Variants in ROBO2 observed in about 807,000 individuals in gnomAD.
ROBO2 encodes the protein roundabout guidance receptor 2.
In ROBO2, 53 loss-of-function variants were observed where a neutral mutation model predicts 160.8. That is an observed-to-expected ratio of 0.33 (90% CI 0.26 to 0.41). The LOEUF is 0.41. Among genes scored for constraint, ROBO2 ranks in the 10% least tolerant of loss-of-function variants. The pLI, the probability that ROBO2 is intolerant of heterozygous loss-of-function variation, is 1.00. For synonymous variants in ROBO2, 664 were observed against 611.7 expected, an observed-to-expected ratio of 1.09 and a Z score of -1.26; for missense variants, 1,577 against 1,722.4, an observed-to-expected ratio of 0.92 and a Z score of 1.49.
At chr3:75,982,074 C>T (rs1350352346) in intron 2 of ROBO2, among the ~76,000 whole-genome samples, 1 of 151,502 alleles carries the variant, frequency 6.6e-6, no homozygotes, top group Non-Finnish European at 1.5e-5. Flanking sequence ...ATCTCCAGTT[C>T]CATCCATATT....
At chr3:77,199,486 C>A (rs1200061491) in intron 2 of ROBO2, among the ~76,000 whole-genome samples, 1 of 152,106 alleles carries the variant, frequency 6.6e-6, no homozygotes, top group Non-Finnish European at 1.5e-5. Flanking sequence ...GCAAGTTCAG[C>A]TGTTTTTATT....
intron 21 of ROBO2, among the ~76,000 whole-genome samples, chr3:77,611,839 T>A (rs2094649423): frequency 6.6e-6 from 1 of 152,186 alleles, no homozygotes; most frequent in Admixed American, 6.5e-5. Flanking sequence ...GACAAAAATA[T>A]GTCAAAATGT....
intron 1 of ROBO2, among the ~76,000 whole-genome samples, chr3:77,086,389 A>G (rs2069313530): frequency 6.6e-6 from 1 of 152,150 alleles, no homozygotes; most frequent in Non-Finnish European, 1.5e-5. Flanking sequence ...CAGAGAAGGT[A>G]AGAAATTTGC....
At position 76,398,778 on chromosome 3, in the gene ROBO2, A is replaced by G. The variant is rs188729761; in HGVS notation, c.109+461176A>G. Among the ~76,000 whole-genome samples, 121 of 151,992 alleles carry G rather than the reference A, an allele frequency of 8.0e-4. No individual in the cohort carries two copies. The East Asian group carries it at 0.021, about 27-fold the overall frequency. ...GTTTAGTATATTCTATTAGTTTAGC[A>G]TATGCTATTAGTTTAGTATATTCTA... On this transcript the variant is annotated intron_variant, in intron 2 of 26. Coordinates refer to the ROBO2 transcript ENST00000487694.
At chr3:77,299,758 C>T (rs1384398574) in intron 2 of ROBO2, among the ~76,000 whole-genome samples, 1 of 151,966 alleles carries the variant, frequency 6.6e-6, no homozygotes, top group East Asian at 1.9e-4. Flanking sequence ...TCAGGTCAGA[C>T]TAATTGAAAA....
intron 2 of ROBO2, among the ~76,000 whole-genome samples, chr3:76,878,727 A>G (rs1297225630): frequency 6.6e-6 from 1 of 152,168 alleles, no homozygotes; most frequent in Non-Finnish European, 1.5e-5. Flanking sequence ...TTAGCACACC[A>G]ATGGTGTTTA....
At chr3:77,059,112 A>G (rs1195813888) in intron 1 of ROBO2, among the ~76,000 whole-genome samples, 3 of 152,130 alleles carry the variant, frequency 2.0e-5, no homozygotes, top group Non-Finnish European at 2.9e-5. Flanking sequence ...AAATCTATGA[A>G]ATTTAGATTT....
intron 2 of ROBO2, among the ~76,000 whole-genome samples, chr3:76,248,003 G>A (rs1705728235): frequency 6.6e-6 from 1 of 151,858 alleles, no homozygotes. Flanking sequence ...AGGTGCTGGA[G>A]AGGATGTGGA....
intron 2 of ROBO2, among the ~76,000 whole-genome samples, chr3:76,382,528 A>G (rs1311544098): frequency 3.3e-5 from 5 of 152,216 alleles, no homozygotes; most frequent in African/African-American, 1.2e-4. Context: ...CGGAGCTTGC[A>G]GTGAGCCGAG....
intron 2 of ROBO2, among the ~76,000 whole-genome samples, chr3:76,415,747 C>T: frequency 6.6e-6 from 1 of 152,088 alleles, no homozygotes; most frequent in Non-Finnish European, 1.5e-5. Context: ...GATGATCAAC[C>T]TGTCATCTTT....
intron 2 of ROBO2, among the ~76,000 whole-genome samples, chr3:76,214,543 G>A (rs1279224616): frequency 3.9e-5 from 6 of 152,180 alleles, no homozygotes; most frequent in African/African-American, 9.6e-5. Flanking sequence ...AGGGTCCTAA[G>A]CCCATGGAGC....
At chr3:76,486,736 T>C (rs2079519336) in intron 2 of ROBO2, among the ~76,000 whole-genome samples, 1 of 152,194 alleles carries the variant, frequency 6.6e-6, no homozygotes, top group South Asian at 2.1e-4. Context: ...CTCAAAATGA[T>C]AGCTAATACT....
intron 2 of ROBO2, among the ~76,000 whole-genome samples, chr3:76,143,764 A>G (rs2071775939): frequency 6.6e-6 from 1 of 152,024 alleles, no homozygotes; most frequent in Non-Finnish European, 1.5e-5. Flanking sequence ...GGACTGGGTC[A>G]CACAGTTACT....
Position 76,328,908 on chromosome 3 carries a change from T to TAATA in ROBO2, c.109+391306_109+391307insAATA, listed in dbSNP as rs1553708110. Among the ~76,000 whole-genome samples, 3 of 136,026 alleles carry TAATA rather than the reference T, an allele frequency of 2.2e-5. No individual in the cohort carries two copies. The East Asian group carries it at 6.2e-4, about 28-fold the overall frequency. The allele number at this position is 136,026 out of a possible 152,430, so 89.2% of individuals were successfully genotyped here. The stretch of plus-strand genomic sequence containing the variant: ...AATATATATATATATATTTATGTTA[T>TAATA]TATATATATATATATATATATATGT... On this transcript the variant is annotated intron_variant, in intron 2 of 26. Coordinates refer to the ROBO2 transcript ENST00000487694.
chr3:77,632,383 TG>T, intron 23 of ROBO2: 1 of 897,186 alleles, frequency 1.1e-6, no homozygotes, highest in Non-Finnish European at 1.6e-6. Context: ...GGAAGAAGCA[TG>T]GACAACTTAC....
At chr3:77,054,867 G>A (rs571475989) in intron 1 of ROBO2, among the ~76,000 whole-genome samples, 2 of 152,036 alleles carry the variant, frequency 1.3e-5, no homozygotes, top group East Asian at 1.9e-4. Flanking sequence ...TGGGCATCCT[G>A]CCGTAATGTC....
At chr3:76,171,848 G>T (rs981393226) in intron 2 of ROBO2, among the ~76,000 whole-genome samples, 1 of 152,080 alleles carries the variant, frequency 6.6e-6, no homozygotes, top group African/African-American at 2.4e-5. Context: ...AGCAAAAGGG[G>T]ATTTTAGAAT....
At chr3:76,815,248 C>A (rs1357009081) in intron 2 of ROBO2, among the ~76,000 whole-genome samples, 1 of 151,798 alleles carries the variant, frequency 6.6e-6, no homozygotes, top group East Asian at 1.9e-4. Flanking sequence ...AATAACACAA[C>A]AAATATCAAA....
intron 2 of ROBO2, among the ~76,000 whole-genome samples, chr3:76,119,397 T>A (rs540102844): frequency 6.6e-5 from 10 of 152,212 alleles, no homozygotes; most frequent in Admixed American, 5.9e-4. Flanking sequence ...AAACTCTTGA[T>A]TTTATGGCCA....
Sources: allele counts gnomAD v4.1 joint callset (sites outside exome capture counted in the v4.1 genomes callset), GRCh38; gene constraint gnomAD v4.1.1; transcripts MANE v1.5; gene names NCBI Gene and HGNC (gene_info 2026-07-23, HGNC 2026-07-21).